ABTB3: variants seen among roughly 807,000 people sequenced by gnomAD.
ABTB3 encodes ankyrin repeat- and BTB/POZ domain-containing protein 3.
chr12:107,357,626 T>A, the ABTB3 span, among the ~76,000 whole-genome samples: 2 of 152,096 alleles, frequency 1.3e-5, no homozygotes, highest in Non-Finnish European at 2.9e-5. Flanking sequence ...AAATAAAAAA[T>A]TAAAAAATAA....
At chr12:107,402,863 T>A in the ABTB3 span, among the ~76,000 whole-genome samples, 1 of 152,200 alleles carries the variant, frequency 6.6e-6, no homozygotes, top group East Asian at 1.9e-4. Context: ...ATTGAATACC[T>A]GTGGACCAAC....
chr12:107,477,490 T>C, the ABTB3 span, among the ~76,000 whole-genome samples: 122 of 152,310 alleles, frequency 8.0e-4, 1 homozygote, highest in African/African-American at 2.8e-3. Context: ...AAGAAGGTGC[T>C]AGAGTGTTGC....
chr12:107,607,592 C>G, the ABTB3 span, among the ~76,000 whole-genome samples: 12 of 152,192 alleles, frequency 7.9e-5, no homozygotes, highest in African/African-American at 2.7e-4. Flanking sequence ...GGAGGCCTGG[C>G]CTGACGTTTA....
chr12:107,409,915 G>A, the ABTB3 span, among the ~76,000 whole-genome samples: 20 of 152,174 alleles, frequency 1.3e-4, no homozygotes, highest in African/African-American at 4.3e-4. Flanking sequence ...AAAATACAGG[G>A]CCTCTTGTTT....
chr12:107,409,838 A>T, the ABTB3 span, among the ~76,000 whole-genome samples: 1 of 152,226 alleles, frequency 6.6e-6, no homozygotes, highest in Non-Finnish European at 1.5e-5. Context: ...CGTTCTGTAC[A>T]TGTATCCCAG....
At chr12:107,528,425 T>C in the ABTB3 span, among the ~76,000 whole-genome samples, 1 of 152,328 alleles carries the variant, frequency 6.6e-6, no homozygotes, top group South Asian at 2.1e-4. Flanking sequence ...AAATAAATTG[T>C]ATCAGCAGCA....
the ABTB3 span, among the ~76,000 whole-genome samples, chr12:107,498,994 T>C: frequency 6.6e-6 from 1 of 152,172 alleles, no homozygotes; most frequent in African/African-American, 2.4e-5. Flanking sequence ...AGTGTGACCT[T>C]AGGAGAGTGA....
At chr12:107,568,764 T>C in the ABTB3 span, among the ~76,000 whole-genome samples, 2 of 152,218 alleles carry the variant, frequency 1.3e-5, no homozygotes, top group Non-Finnish European at 2.9e-5. Flanking sequence ...AATATGGTAC[T>C]ATTATTTTAA....
chr12:107,319,864 C>T, the ABTB3 span: 7 of 1,231,622 alleles, frequency 5.7e-6, no homozygotes, highest in South Asian at 2.5e-5. Context: ...GCAGCGCCAG[C>T]GGGGGCAGCA....
the ABTB3 span, among the ~76,000 whole-genome samples, chr12:107,589,856 G>A: frequency 6.6e-6 from 1 of 152,374 alleles, no homozygotes; most frequent in South Asian, 2.1e-4. Flanking sequence ...GCAGAGAGCT[G>A]TCAGGAAGTG....
the ABTB3 span, among the ~76,000 whole-genome samples, chr12:107,360,370 T>G: frequency 6.6e-6 from 1 of 152,164 alleles, no homozygotes; most frequent in African/African-American, 2.4e-5. Context: ...TTTTGCTGGA[T>G]TGGAGCCCAG....
At chr12:107,645,576 A>C in the ABTB3 span, among the ~76,000 whole-genome samples, 2 of 152,274 alleles carry the variant, frequency 1.3e-5, no homozygotes, top group East Asian at 1.9e-4. Flanking sequence ...TGAGGAAAGA[A>C]TCTTTCGGCC....
chr12:107,640,390 G>A, the ABTB3 span: 1 of 1,591,514 alleles, frequency 6.3e-7, no homozygotes, highest in African/African-American at 1.3e-5. Context: ...CTCACAAAGT[G>A]CTGTTATTTA....
chr12:107,520,668 C>A, the ABTB3 span: 3 of 1,611,276 alleles, frequency 1.9e-6, no homozygotes, highest in East Asian at 6.7e-5. Context: ...AGCTCTCATG[C>A]CTCAAGACAT....
the ABTB3 span, among the ~76,000 whole-genome samples, chr12:107,622,482 C>CT: frequency 0.083 from 12,494 of 150,532 alleles, 1,562 homozygotes; most frequent in African/African-American, 0.27. Context: ...AAACAAGTAT[C>CT]TTTTTTTTTT....
the ABTB3 span, among the ~76,000 whole-genome samples, chr12:107,655,591 A>C: frequency 6.6e-6 from 1 of 152,228 alleles, no homozygotes. Context: ...TAACTCCAGG[A>C]AATACAGGCG....
chr12:107,344,883 T>C, the ABTB3 span, among the ~76,000 whole-genome samples: 1 of 152,228 alleles, frequency 6.6e-6, no homozygotes, highest in African/African-American at 2.4e-5. Context: ...GAATTCTGAT[T>C]TTTAAAAATG....
At chr12:107,349,307 A>G in the ABTB3 span, among the ~76,000 whole-genome samples, 1 of 152,176 alleles carries the variant, frequency 6.6e-6, no homozygotes, top group Non-Finnish European at 1.5e-5. Flanking sequence ...GCCCTTTCCC[A>G]AGAGGAGGAA....
At chr12:107,362,599 C>T in the ABTB3 span, among the ~76,000 whole-genome samples, 5 of 152,242 alleles carry the variant, frequency 3.3e-5, no homozygotes, top group South Asian at 1.0e-3. Flanking sequence ...TTGAGACCAG[C>T]CTGGGCAACA....
Sources: allele counts gnomAD v4.1 joint callset (sites outside exome capture counted in the v4.1 genomes callset), GRCh38; gene constraint gnomAD v4.1.1; transcripts MANE v1.5; gene names NCBI Gene and HGNC (gene_info 2026-07-23, HGNC 2026-07-21).